TNFSF4: variants seen among roughly 807,000 people sequenced by gnomAD.
The protein encoded by TNFSF4 is tumor necrosis factor ligand superfamily member 4.
Under a neutral mutation model 7.3 loss-of-function variants are expected in TNFSF4, and 4 were observed. That is an observed-to-expected ratio of 0.55 (90% CI 0.27 to 1.25). The LOEUF (loss-of-function observed/expected upper bound fraction) is 1.25. Ranked by LOEUF, TNFSF4 falls within the 50% of genes most tolerant of loss-of-function variation. The probability of loss-of-function intolerance (pLI) is 0.12; values close to 1 mark genes in which losing one functional copy is unlikely to be tolerated. For synonymous variants in TNFSF4, 76 were observed against 83.7 expected (o/e 0.91, Z 0.50); for missense variants, 181 against 208.8 (o/e 0.87, Z 0.82).
the TNFSF4 span, among the ~76,000 whole-genome samples, chr1:173,316,166 A>ACTAC: frequency 2.1e-3 from 323 of 152,268 alleles, 11 homozygotes; most frequent in East Asian, 0.057. Flanking sequence ...TATTCAAAAG[A>ACTAC]CTACCCTTCC....
At chr1:173,248,229 C>T in the TNFSF4 span, among the ~76,000 whole-genome samples, 9 of 152,070 alleles carry the variant, frequency 5.9e-5, no homozygotes, top group South Asian at 4.2e-4. Flanking sequence ...TGGTGGCACA[C>T]GTCTGTAGTC....
chr1:173,269,460 C>T, the TNFSF4 span, among the ~76,000 whole-genome samples: 1 of 152,116 alleles, frequency 6.6e-6, no homozygotes, highest in Non-Finnish European at 1.5e-5. Context: ...AAGCACTTTA[C>T]AGCTTCCATT....
intron 1 of TNFSF4, chr1:173,205,603 A>G: frequency 8.7e-7 from 1 of 1,149,920 alleles, no homozygotes; most frequent in Non-Finnish European, 1.1e-6. Flanking sequence ...TGGTTGTTAG[A>G]AAAAGCACTC....
the TNFSF4 span, among the ~76,000 whole-genome samples, chr1:173,427,332 CAA>C: frequency 2.0e-5 from 3 of 152,126 alleles, no homozygotes; most frequent in Admixed American, 6.6e-5. Flanking sequence ...TTGATTGTCA[CAA>C]CTGGGGAGTG....
At chr1:173,266,754 T>C in the TNFSF4 span, among the ~76,000 whole-genome samples, 15 of 152,292 alleles carry the variant, frequency 9.8e-5, no homozygotes, top group East Asian at 2.9e-3. Flanking sequence ...CAAAAAATAA[T>C]ACATATCCAA....
At chr1:173,244,600 C>G in the TNFSF4 span, among the ~76,000 whole-genome samples, 1 of 145,880 alleles carries the variant, frequency 6.9e-6, no homozygotes, top group African/African-American at 2.6e-5. Flanking sequence ...CGAGATCCCG[C>G]CACTGCACTC....
chr1:173,199,949 A>G (rs1014010684), intron 1 of TNFSF4, among the ~76,000 whole-genome samples: 3 of 152,204 alleles, frequency 2.0e-5, no homozygotes, highest in Non-Finnish European at 4.4e-5. Flanking sequence ...CATACATACA[A>G]TGCTTTGACC....
chr1:173,386,186 G>A, the TNFSF4 span, among the ~76,000 whole-genome samples: 1 of 152,166 alleles, frequency 6.6e-6, no homozygotes, highest in Non-Finnish European at 1.5e-5. Flanking sequence ...CATGCCCAGG[G>A]CTACCTCAAG....
At chr1:173,250,932 G>A in the TNFSF4 span, among the ~76,000 whole-genome samples, 1 of 152,050 alleles carries the variant, frequency 6.6e-6, no homozygotes, top group African/African-American at 2.4e-5. Flanking sequence ...ATTATGCATA[G>A]GTGGCCTGAC....
chr1:173,251,769 G>A, the TNFSF4 span, among the ~76,000 whole-genome samples: 4 of 152,346 alleles, frequency 2.6e-5, no homozygotes, highest in Non-Finnish European at 4.4e-5. Flanking sequence ...ATAAGTGTTA[G>A]TTCTTATGGT....
At chr1:173,313,588 C>T in the TNFSF4 span, among the ~76,000 whole-genome samples, 2 of 152,076 alleles carry the variant, frequency 1.3e-5, no homozygotes, top group African/African-American at 2.4e-5. Flanking sequence ...ACAAGAAATT[C>T]TCCCAATGCT....
At chr1:173,361,786 A>C in the TNFSF4 span, among the ~76,000 whole-genome samples, 2 of 152,216 alleles carry the variant, frequency 1.3e-5, no homozygotes, top group Non-Finnish European at 2.9e-5. Flanking sequence ...AAACCTACTC[A>C]TCAGAAACTG....
chr1:173,208,253 C>G (rs1234314), upstream of TNFSF4, among the ~76,000 whole-genome samples: 60,312 of 151,922 alleles, frequency 0.4, 12,375 homozygotes, highest in Admixed American at 0.52. Context: ...ATCACATGAG[C>G]CTGGCACTGT....
the TNFSF4 span, among the ~76,000 whole-genome samples, chr1:173,431,902 G>A: frequency 6.6e-6 from 1 of 152,204 alleles, no homozygotes. Context: ...AACACAGGCT[G>A]GTGCTGAAGC....
intron 1 of TNFSF4, chr1:173,205,423 T>A: frequency 6.3e-7 from 1 of 1,597,854 alleles, no homozygotes; most frequent in Non-Finnish European, 8.5e-7. Context: ...TTTCTCAACA[T>A]CTCCTGGATA....
chr1:173,205,569 G>A lies in TNFSF4; in HGVS notation c.153+1455C>T, dbSNP rs938214714. 6 of 1,253,410 alleles carry A rather than the reference G, an allele frequency of 4.8e-6. No homozygotes were observed. In the Admixed American group the frequency reaches 1.1e-4, roughly 23 times the overall value. The allele number at this position is 1,253,410 out of a possible 1,614,324, so 77.6% of individuals were successfully genotyped here. On this transcript the variant is annotated intron_variant, in intron 1 of 2. Coordinates refer to ENST00000281834, the MANE Select transcript of TNFSF4 (RefSeq NM_003326.5). ...TGTGTCCTGTGTTTTATCATCCCATGGTGTAAGGAAATATGTAACACTGTG... is the reference window on the plus strand; with the variant it reads ...TGTGTCCTGTGTTTTATCATCCCATAGTGTAAGGAAATATGTAACACTGTG...
the TNFSF4 span, among the ~76,000 whole-genome samples, chr1:173,234,165 G>A: frequency 2.0e-5 from 3 of 152,172 alleles, no homozygotes; most frequent in Non-Finnish European, 4.4e-5. Flanking sequence ...CTCAAAAGAA[G>A]ACATTTATGC....
At chr1:173,300,160 GATACATAC>G in the TNFSF4 span, among the ~76,000 whole-genome samples, 3,999 of 146,864 alleles carry the variant, frequency 0.027, 168 homozygotes, top group African/African-American at 0.092. Context: ...ATGATTGATA[GATACATAC>G]ATACATACAT....
chr1:173,246,235 C>G, the TNFSF4 span, among the ~76,000 whole-genome samples: 2 of 151,968 alleles, frequency 1.3e-5, no homozygotes, highest in Non-Finnish European at 2.9e-5. Flanking sequence ...GTTTGCTGCA[C>G]CTATTAACTG....
Sources: gnomAD v4.1 joint callset for allele counts (sites outside exome capture counted in the v4.1 genomes callset) on GRCh38, gnomAD v4.1.1 for gene constraint, MANE v1.5 for transcripts, NCBI Gene and HGNC (gene_info 2026-07-23, HGNC 2026-07-21) for gene names.